The following MPDZ variants were observed in gnomAD, a reference collection of about 807,000 sequenced individuals.
MPDZ encodes multiple PDZ domain protein.
In MPDZ, 234 loss-of-function variants were observed where a neutral mutation model predicts 239.1. The observed-to-expected ratio is 0.98, with a 90% CI of 0.88 to 1.09. The LOEUF is 1.09. Ranked by LOEUF, MPDZ falls within the 50% of genes least tolerant of loss-of-function variation. The probability of loss-of-function intolerance (pLI) is 0.00; values close to 1 mark genes in which losing one functional copy is unlikely to be tolerated. For missense variants in MPDZ, 3,175 were observed against 2,510.0 expected (o/e 1.26, Z -5.66); for synonymous variants, 1,048 against 881.3 (o/e 1.19, Z -3.35).
intron 32 of MPDZ, among the ~76,000 whole-genome samples, chr9:13,128,953 G>A (rs567691863): frequency 6.6e-6 from 1 of 152,134 alleles, no homozygotes; most frequent in Non-Finnish European, 1.5e-5. Context: ...TCAGTCACAG[G>A]ACCAACTACC....
In MPDZ at chr9:13,186,295, G is replaced by A. The variant is rs1954088661; in HGVS notation, c.2456C>T (p.Pro819Leu). The change falls in exon 18 of 47, where the codon CCC becomes CTC. Residue 819 changes from proline to leucine, a missense_variant. Coordinates refer to ENST00000319217, the MANE Select transcript of MPDZ (RefSeq NM_001378778.1). ...CAGAGCCAAGTCAGCCCTGAAGAGG[G>A]GTTTGTCAGCCAGCCCTGCTTCCTC... ...SCEEAGLADK[P>L]LFRADLALVG... The A allele has an allele frequency of 6.3e-7, 1 of 1,592,300 alleles. No individual in the cohort carries two copies. Among genetic ancestry groups the A allele is most frequent in the East Asian group, 2.3e-5 (1 of 43,952 alleles).
chr9:13,208,124 CTT>C (rs1380269474), intron 10 of MPDZ, among the ~76,000 whole-genome samples: 3 of 152,090 alleles, frequency 2.0e-5, no homozygotes, highest in Non-Finnish European at 2.9e-5. Flanking sequence ...TGTTTACTAA[CTT>C]AGTAAATATG....
intron 10 of MPDZ, among the ~76,000 whole-genome samples, chr9:13,213,138 G>A (rs1957842912): frequency 6.6e-6 from 1 of 151,950 alleles, no homozygotes; most frequent in African/African-American, 2.4e-5. Context: ...TTTATCTAAT[G>A]ACAAGTTTGT....
chr9:13,135,869 T>C, intron 31 of MPDZ: 1 of 364,378 alleles, frequency 2.7e-6, no homozygotes, highest in Non-Finnish European at 4.9e-6. Flanking sequence ...ACTCTTTTCC[T>C]ACCCTCACTA....
intron 18 of MPDZ, among the ~76,000 whole-genome samples, chr9:13,185,783 A>G (rs1401182256): frequency 6.6e-6 from 1 of 152,132 alleles, no homozygotes; most frequent in East Asian, 1.9e-4. Context: ...ATACTTACAT[A>G]TATGTATTTA....
intron 43 of MPDZ, among the ~76,000 whole-genome samples, chr9:13,111,266 T>C (rs1179660426): frequency 6.6e-6 from 1 of 152,206 alleles, no homozygotes; most frequent in Non-Finnish European, 1.5e-5. Context: ...CCACAAAGCC[T>C]AAAATATTCA....
At chr9:13,130,940 G>C (rs1280510948) in intron 32 of MPDZ, among the ~76,000 whole-genome samples, 1 of 152,128 alleles carries the variant, frequency 6.6e-6, no homozygotes, top group Non-Finnish European at 1.5e-5. Flanking sequence ...CAGAAGACCA[G>C]AGTTCAATTC....
At chr9:13,141,712 C>T (rs959703065) in intron 27 of MPDZ, among the ~76,000 whole-genome samples, 4 of 152,020 alleles carry the variant, frequency 2.6e-5, no homozygotes, top group Admixed American at 2.6e-4. Flanking sequence ...ATATATGTAA[C>T]ACTAGAACTA....
intron 10 of MPDZ, among the ~76,000 whole-genome samples, chr9:13,208,472 A>G (rs1957240941): frequency 6.6e-6 from 1 of 151,776 alleles, no homozygotes; most frequent in Admixed American, 6.6e-5. Context: ...AAAAAAAAAA[A>G]AAGACCTAGA....
At chr9:13,194,495 A>G (rs560829491) in intron 13 of MPDZ, among the ~76,000 whole-genome samples, 1 of 152,242 alleles carries the variant, frequency 6.6e-6, no homozygotes, top group East Asian at 1.9e-4. Flanking sequence ...GAGTTGAACA[A>G]TGAGAATACA....
intron 2 of MPDZ, 34 bp downstream of exon 2, chr9:13,250,266 C>T: frequency 6.3e-7 from 1 of 1,582,666 alleles, no homozygotes; most frequent in Non-Finnish European, 8.6e-7. Context: ...AGTTACAATT[C>T]TTATAAAAGT....
chr9:13,198,846 C>T (rs949308562), intron 12 of MPDZ, among the ~76,000 whole-genome samples: 1 of 146,132 alleles, frequency 6.8e-6, no homozygotes, highest in Non-Finnish European at 1.5e-5. Context: ...TAGCTTTGTT[C>T]TTTTTGCTCT....
intron 29 of MPDZ, 50 bp from the exon 30 acceptor site, chr9:13,136,853 A>G (rs1295939305): frequency 9.1e-7 from 1 of 1,095,460 alleles, no homozygotes; most frequent in East Asian, 2.6e-5. Flanking sequence ...AGTATCATAA[A>G]GTTTTATCAT....
intron 22 of MPDZ, chr9:13,165,541 C>A: frequency 1.1e-6 from 1 of 905,592 alleles, no homozygotes; most frequent in Non-Finnish European, 1.6e-6. Context: ...TTCCCCCTTT[C>A]CACCTCCCTC....
intron 22 of MPDZ, among the ~76,000 whole-genome samples, chr9:13,163,457 C>T (rs753094381): frequency 6.6e-6 from 1 of 152,132 alleles, no homozygotes; most frequent in Non-Finnish European, 1.5e-5. Flanking sequence ...TTTACTAATT[C>T]AACAAGTACT....
At chr9:13,175,324 G>T (rs531486310) in intron 21 of MPDZ, among the ~76,000 whole-genome samples, 52 of 152,220 alleles carry the variant, frequency 3.4e-4, no homozygotes, top group South Asian at 1.0e-3. Context: ...TGTCTTTTTA[G>T]TCTTTCTTTC....
chr9:13,247,916 T>C (rs1588099095), intron 2 of MPDZ, 115 bp from the exon 3 acceptor site: 3 of 1,036,426 alleles, frequency 2.9e-6, no homozygotes, highest in East Asian at 2.4e-5. Context: ...CATAAAATTG[T>C]CTCTTTTAAA....
chr9:13,279,033 T>A (rs1021712186), intron 1 of MPDZ: 1 of 151,668 alleles, frequency 6.6e-6, no homozygotes, highest in Non-Finnish European at 1.5e-5. Flanking sequence ...TTTAAACCTC[T>A]TAGTCAGCGA....
At chr9:13,137,297 T>C (rs1946968477) in intron 29 of MPDZ, among the ~76,000 whole-genome samples, 3 of 152,156 alleles carry the variant, frequency 2.0e-5, no homozygotes, top group African/African-American at 7.2e-5. Context: ...AACAGCACAG[T>C]GCCTAACGCA....
Sources: allele counts gnomAD v4.1 joint callset (sites outside exome capture counted in the v4.1 genomes callset), GRCh38; gene constraint gnomAD v4.1.1; transcripts MANE v1.5; gene names NCBI Gene and HGNC (gene_info 2026-07-23, HGNC 2026-07-21).